FAM133A: variants seen among roughly 807,000 people sequenced by gnomAD.
The protein encoded by FAM133A is family with sequence similarity 133 member A, also known as protein FAM133A.
For synonymous variants in FAM133A, 65 were observed against 58.6 expected (o/e 1.11, Z -0.50); for missense variants, 159 against 164.4 (o/e 0.97, Z 0.18).
intron 2 of FAM133A, among the ~76,000 whole-genome samples, chrX:93,690,157 T>G (rs1353911579): frequency 9.0e-6 from 1 of 111,517 alleles, no homozygotes; most frequent in East Asian, 2.8e-4. Context: ...AAAAGCTAAG[T>G]AAGGACTTAA....
chrX:93,695,180 T>G (rs1309357695), intron 2 of FAM133A, among the ~76,000 whole-genome samples: 1 of 112,060 alleles, frequency 8.9e-6, no homozygotes, highest in Non-Finnish European at 1.9e-5. Flanking sequence ...CTGTATTGTT[T>G]TTATGTGAAA....
At chrX:93,693,928 A>G (rs1023901665) in intron 2 of FAM133A, among the ~76,000 whole-genome samples, 1 of 111,844 alleles carries the variant, frequency 8.9e-6, no homozygotes, top group Non-Finnish European at 1.9e-5. Context: ...TATGAATATA[A>G]TATTTGTTAA....
At chrX:93,696,261 T>G (rs973811978) in intron 2 of FAM133A, among the ~76,000 whole-genome samples, 2 of 111,181 alleles carry the variant, frequency 1.8e-5, no homozygotes, top group African/African-American at 6.5e-5. Context: ...ACCCGCCGTA[T>G]GCTTGGAGGT....
chrX:93,676,534 A>G (rs1219746892), intron 2 of FAM133A, among the ~76,000 whole-genome samples: 2 of 110,765 alleles, frequency 1.8e-5, no homozygotes, highest in Non-Finnish European at 3.8e-5. Context: ...ACTTAAGACA[A>G]CTATGATTTC....
At chrX:93,703,300 C>G (rs1208935783) in intron 3 of FAM133A, among the ~76,000 whole-genome samples, 1 of 111,765 alleles carries the variant, frequency 8.9e-6, no homozygotes, top group Non-Finnish European at 1.9e-5. Flanking sequence ...TTCAGAGGAG[C>G]CTAGGAGACA....
intron 3 of FAM133A, among the ~76,000 whole-genome samples, chrX:93,705,440 T>G (rs1463684380): frequency 9.0e-6 from 1 of 111,499 alleles, no homozygotes; most frequent in African/African-American, 3.3e-5. Flanking sequence ...TTGATTTATC[T>G]TCTAGGAAAG....
rs1927281496 is a variant in FAM133A, at chrX:93,709,693, G to C, written c.274G>C (p.Glu92Gln). 8.4e-7 allele frequency: 1 copy of C among 1,194,932 alleles called. No individual in the cohort carries two copies. Among genetic ancestry groups the C allele is most frequent in the Non-Finnish European group, 1.1e-6 (1 of 889,956 alleles). ...AAATGAGAGCTCATCTAAAAAAAGA[G>C]AAAGAAAGAAAAAGAGAAAGAAGAA... ...SGNESSSKKRERKKKRKKKSC... is the reference protein window; with the variant it reads ...SGNESSSKKRQRKKKRKKKSC... The change falls in exon 4 of 4, where the codon GAA becomes CAA. Residue 92 changes from glutamate to glutamine, a missense_variant. Coordinates refer to ENST00000683942, the MANE Select transcript of FAM133A (RefSeq NM_001171109.2).
intron 2 of FAM133A, among the ~76,000 whole-genome samples, chrX:93,691,638 C>T (rs1323512874): frequency 1.8e-5 from 2 of 111,606 alleles, no homozygotes; most frequent in African/African-American, 6.5e-5. Flanking sequence ...TACTCTTATA[C>T]GAATCTTCCA....
chrX:93,710,294 A>G lies in FAM133A; in HGVS notation c.*128A>G, dbSNP rs1927364238. 2.7e-6 allele frequency: 2 copies of G among 742,030 alleles called. No individual in the cohort carries two copies. Among genetic ancestry groups the G allele is most frequent in the South Asian group, 9.5e-5 (2 of 21,104 alleles). The allele number at this position is 742,030 out of a possible 1,213,427, so 61.2% of individuals were successfully genotyped here. On this transcript the variant is annotated 3_prime_UTR_variant, in exon 4 of 4. Coordinates refer to ENST00000683942, the MANE Select transcript of FAM133A (RefSeq NM_001171109.2). ...GGCATAGTGGCTGCTGGCAACTTCA[A>G]TATACATTTTTGTTTGTTTGCTTGT... is the stretch of plus-strand genomic sequence containing the variant.
In FAM133A at chrX:93,710,182, C is replaced by T; in HGVS notation, c.*16C>T. ...GTCAAGGTAACATCAAGAAAAAAAG[C>T]AAGAATGAGTTTGCCGAGTTCCCCT... is the stretch of plus-strand genomic sequence containing the variant. On this transcript the variant is annotated 3_prime_UTR_variant, in exon 4 of 4. Transcript: ENST00000683942. 6.1e-6 allele frequency: 7 copies of T among 1,146,237 alleles called. No homozygotes were observed. In the Admixed American group the frequency reaches 1.8e-4, roughly 30 times the overall value. The allele number at this position is 1,146,237 out of a possible 1,213,427, so 94.5% of individuals were successfully genotyped here.
intron 2 of FAM133A, among the ~76,000 whole-genome samples, chrX:93,681,404 A>G (rs1286526839): frequency 9.0e-6 from 1 of 111,072 alleles, no homozygotes; most frequent in East Asian, 2.8e-4. Context: ...TTTCCAGACT[A>G]TCCAAATATA....
intron 2 of FAM133A, among the ~76,000 whole-genome samples, chrX:93,685,655 A>G (rs766084817): frequency 8.9e-6 from 1 of 111,932 alleles, no homozygotes; most frequent in South Asian, 3.8e-4. Context: ...AAACCGATAG[A>G]ATATTCTAAT....
chrX:93,690,272 T>A (rs762933572), intron 2 of FAM133A, among the ~76,000 whole-genome samples: 1 of 111,657 alleles, frequency 9.0e-6, no homozygotes, highest in South Asian at 3.7e-4. Context: ...TATATGTGTA[T>A]AATTCAATAA....
chrX:93,691,850 C>T (rs961791755), intron 2 of FAM133A, among the ~76,000 whole-genome samples: 3 of 111,093 alleles, frequency 2.7e-5, no homozygotes, highest in African/African-American at 9.8e-5. Context: ...TTTTGTTTTT[C>T]GGTGTATGAG....
intron 2 of FAM133A, among the ~76,000 whole-genome samples, chrX:93,691,824 A>G (rs758006770): frequency 1.3e-4 from 15 of 111,489 alleles, no homozygotes; most frequent in Middle Eastern, 4.6e-3. Context: ...ATATTCTTTA[A>G]TTTCTTTCAG....
At position 93,710,466 on chromosome X, in the gene FAM133A, G is replaced by T. The variant is rs187079919; in HGVS notation, c.*300G>T. ...ATCTAAGGTTAAATGTATCTAATTC[G>T]AATACATCTTTGAAATATCACCATC... On this transcript the variant is annotated 3_prime_UTR_variant, in exon 4 of 4. Coordinates refer to ENST00000683942, the MANE Select transcript of FAM133A (RefSeq NM_001171109.2). The T allele has an allele frequency of 4.6e-6, 1 of 219,654 alleles. No individual in the cohort carries two copies. The highest frequency in any genetic ancestry group is 1.4e-3 in the Middle Eastern group (1 of 708). 18.1% of individuals were successfully genotyped at this position (219,654 alleles called of 1,213,427 possible). A position where few individuals can be genotyped will look rare whatever the true frequency, so the allele number is the denominator to read the frequency against.
chrX:93,696,626 G>A (rs1025388010), intron 2 of FAM133A, among the ~76,000 whole-genome samples: 63 of 111,306 alleles, frequency 5.7e-4, no homozygotes, highest in African/African-American at 1.9e-3. Context: ...AATTGCTTAA[G>A]AGTAGTATAG....
rs757110609 is a variant in FAM133A, at chrX:93,676,005, A to G, written c.-193+1253A>G. On this transcript the variant is annotated intron_variant, in intron 2 of 3. Coordinates refer to ENST00000683942, the MANE Select transcript of FAM133A (RefSeq NM_001171109.2). ...CATTAGGAATTAGTATTTTAGAGTC[A>G]GTCATGAGTTAGGGATCCAGATTTT... 1.2e-3 allele frequency among the ~76,000 whole-genome samples: 129 copies of G among 111,376 alleles called. 1 individual carries two copies. Among genetic ancestry groups the G allele is most frequent in the African/African-American group, 4.2e-3 (128 of 30,798 alleles).
chrX:93,688,477 GC>G (rs1157067175), intron 2 of FAM133A, among the ~76,000 whole-genome samples: 1 of 110,766 alleles, frequency 9.0e-6, no homozygotes, highest in Non-Finnish European at 1.9e-5. Context: ...CTATTTATGT[GC>G]CTTACTTTCC....
Sources: allele counts gnomAD v4.1 joint callset (sites outside exome capture counted in the v4.1 genomes callset), GRCh38; gene constraint gnomAD v4.1.1; transcripts MANE v1.5; gene names NCBI Gene and HGNC (gene_info 2026-07-23, HGNC 2026-07-21).